RIMKLB: variants seen among roughly 807,000 people sequenced by gnomAD.
RIMKLB encodes beta-citrylglutamate synthase B.
In RIMKLB, 7 loss-of-function variants were observed where a neutral mutation model predicts 32.0. That is an observed-to-expected ratio of 0.22 (90% CI 0.12 to 0.41). The LOEUF (loss-of-function observed/expected upper bound fraction) is 0.41, where lower values mean the gene tolerates loss of function less well. Among genes scored for constraint, RIMKLB ranks in the 10% least tolerant of loss-of-function variants. RIMKLB has a pLI of 1.00. For missense variants in RIMKLB, 289 were observed against 498.7 expected, an observed-to-expected ratio of 0.58 and a Z score of 4.00; for synonymous variants, 172 against 185.1, an observed-to-expected ratio of 0.93 and a Z score of 0.57.
intron 1 of RIMKLB, among the ~76,000 whole-genome samples, chr12:8,684,913 G>A (rs1173933022): frequency 3.3e-5 from 5 of 152,174 alleles, no homozygotes; most frequent in Non-Finnish European, 5.9e-5. Context: ...GTGAGCAACC[G>A]CACCCAGCCT....
At chr12:8,754,189 A>C in intron 5 of RIMKLB, 96 bp downstream of exon 5, 1 of 885,314 alleles carries the variant, frequency 1.1e-6, no homozygotes, top group Non-Finnish European at 1.8e-6. Context: ...CTTCTTAATA[A>C]GTTGAAAAAC....
rs148822214 is a variant in RIMKLB, at chr12:8,731,994, G to A, written c.176-17868G>A. On this transcript the variant is annotated intron_variant, in intron 2 of 5. Transcript: ENST00000535829. The stretch of plus-strand genomic sequence containing the variant: ...ACTTTGCAGGCTTATTTTAGAGTAT[G>A]AAGTACTCTCCTTCCTCTTCCCCTG... Among the ~76,000 whole-genome samples, 623 of 152,030 alleles carry A rather than the reference G, an allele frequency of 4.1e-3. 8 individuals are homozygous for A. The highest frequency in any genetic ancestry group is 0.014 in the African/African-American group (588 of 41,464).
chr12:8,726,765 A>G (rs7316051), intron 2 of RIMKLB, among the ~76,000 whole-genome samples: 10,848 of 152,044 alleles, frequency 0.071, 1,266 homozygotes, highest in African/African-American at 0.24. Context: ...ATCCACTGAC[A>G]ATCTCTGTAT....
intron 2 of RIMKLB, among the ~76,000 whole-genome samples, chr12:8,724,418 T>A (rs1182354906): frequency 1.3e-5 from 2 of 152,240 alleles, no homozygotes; most frequent in Non-Finnish European, 2.9e-5. Context: ...AGTATGTTAT[T>A]ATTTGATGGT....
intron 2 of RIMKLB, among the ~76,000 whole-genome samples, chr12:8,717,747 A>G (rs1263819522): frequency 6.6e-6 from 1 of 152,226 alleles, no homozygotes; most frequent in African/African-American, 2.4e-5. Context: ...CTTTAAACTC[A>G]TCTTCTAACG....
rs893282057 is a variant in RIMKLB at position 8,775,313 on chromosome 12, AT to A, written c.*1530del. The A allele has an allele frequency of 1.0e-6, 1 of 985,234 alleles. No individual in the cohort carries two copies. The highest frequency in any genetic ancestry group is 1.2e-6 in the Non-Finnish European group (1 of 829,868). The allele number at this position is 985,234 out of a possible 1,614,324, so 61.0% of individuals were successfully genotyped here. On this transcript the variant is annotated 3_prime_UTR_variant, in exon 6 of 6. Transcript: ENST00000535829. ...AAGCCTTCAATACTGTCCACTCTTT[AT>A]ATTCCTTTACTTGCAGAATTTATAA...
At chr12:8,744,825 T>G (rs919095279) in intron 2 of RIMKLB, among the ~76,000 whole-genome samples, 21 of 151,614 alleles carry the variant, frequency 1.4e-4, no homozygotes, top group African/African-American at 3.7e-4. Flanking sequence ...CATGTCTAAT[T>G]TTTGCATTTT....
intron 2 of RIMKLB, among the ~76,000 whole-genome samples, chr12:8,735,136 T>G (rs1414089250): frequency 4.6e-5 from 7 of 152,338 alleles, no homozygotes; most frequent in Non-Finnish European, 1.5e-5. Context: ...TTTGTTTTCC[T>G]TGGTCAGAGA....
chr12:8,725,360 T>C (rs7975977), intron 2 of RIMKLB, among the ~76,000 whole-genome samples: 10,781 of 151,726 alleles, frequency 0.071, 1,249 homozygotes, highest in African/African-American at 0.24. Flanking sequence ...TCACTGCAAC[T>C]TCCACCTCCC....
chr12:8,692,667 A>T (rs1288280535), upstream of RIMKLB, among the ~76,000 whole-genome samples: 2 of 152,152 alleles, frequency 1.3e-5, no homozygotes, highest in Admixed American at 6.5e-5. Context: ...TGTGTCTGGC[A>T]TCTGCATTTT....
At chr12:8,714,067 T>C (rs754836236) in intron 2 of RIMKLB, 26 bp downstream of exon 2, 9 of 1,602,688 alleles carry the variant, frequency 5.6e-6, no homozygotes, top group Admixed American at 5.0e-5. Flanking sequence ...AAGTGATCTT[T>C]TGGATTTTTA....
At chr12:8,703,936 T>C (rs1943628660) in intron 1 of RIMKLB, among the ~76,000 whole-genome samples, 1 of 152,204 alleles carries the variant, frequency 6.6e-6, no homozygotes, top group Non-Finnish European at 1.5e-5. Context: ...CTGATTTCTT[T>C]GTAGAAAAAA....
intron 2 of RIMKLB, chr12:8,742,816 G>T (rs1947688028): frequency 4.9e-6 from 1 of 203,558 alleles, no homozygotes; most frequent in Non-Finnish European, 1.0e-5. Context: ...TTGATCCCAA[G>T]GCTGACCACC....
At chr12:8,765,910 A>G (rs1022287806) in intron 5 of RIMKLB, among the ~76,000 whole-genome samples, 2 of 152,056 alleles carry the variant, frequency 1.3e-5, no homozygotes, top group African/African-American at 4.8e-5. Flanking sequence ...TTTTTATACA[A>G]AAGAGGTCTA....
At chr12:8,683,317 G>A (rs1942468600) in intron 1 of RIMKLB, among the ~76,000 whole-genome samples, 1 of 152,148 alleles carries the variant, frequency 6.6e-6, no homozygotes, top group South Asian at 2.1e-4. Context: ...AGTATGTTTA[G>A]TTTTGTAAGA....
chr12:8,761,147 C>T (rs1044083379), intron 5 of RIMKLB, among the ~76,000 whole-genome samples: 12 of 151,814 alleles, frequency 7.9e-5, no homozygotes, highest in African/African-American at 2.9e-4. Context: ...AGTTTGAGAG[C>T]AGCCTGGGCA....
In RIMKLB at chr12:8,684,734, C is replaced by G. The variant is rs73053848; in HGVS notation, n.219+2916C>G. On this transcript the variant is annotated intron_variant and non_coding_transcript_variant, in intron 1 of 1. Coordinates refer to the RIMKLB transcript ENST00000538758. ...CTCCCAGGTTCAAGTGATTCTCTCACCTCGGTCTCCTAAGTAGCTGGGACT... is the reference window on the plus strand; with the variant it reads ...CTCCCAGGTTCAAGTGATTCTCTCAGCTCGGTCTCCTAAGTAGCTGGGACT... Among the ~76,000 whole-genome samples, 6 of 152,188 alleles carry G rather than the reference C, an allele frequency of 3.9e-5. No individual in the cohort carries two copies. The East Asian group carries it at 1.2e-3, about 29-fold the overall frequency.
At chr12:8,678,421 C>G (rs954223810), upstream of RIMKLB, among the ~76,000 whole-genome samples, 5 of 151,940 alleles carry the variant, frequency 3.3e-5, no homozygotes, top group African/African-American at 1.2e-4. Flanking sequence ...TCCTCCGCCT[C>G]CCGGGTTCAA....
At chr12:8,781,029 G>A (rs1005701211), downstream of RIMKLB, among the ~76,000 whole-genome samples, 3 of 152,190 alleles carry the variant, frequency 2.0e-5, no homozygotes, top group African/African-American at 4.8e-5. Context: ...AATATGCATT[G>A]TTAATCATTT....
Sources: allele counts gnomAD v4.1 joint callset (sites outside exome capture counted in the v4.1 genomes callset), GRCh38; gene constraint gnomAD v4.1.1; transcripts MANE v1.5; gene names NCBI Gene and HGNC (gene_info 2026-07-23, HGNC 2026-07-21).